Variants in C2orf69 observed in about 807,000 individuals in gnomAD.
C2orf69 encodes the protein chromosome 2 open reading frame 69.
C2orf69 carries 19 observed loss-of-function variants against 29.5 expected under a neutral mutation model. The observed-to-expected ratio is 0.65, with a 90% CI of 0.45 to 0.95. The LOEUF is 0.95. Ranked by LOEUF, C2orf69 falls within the 40% of genes least tolerant of loss-of-function variation. The pLI, the probability that C2orf69 is intolerant of heterozygous loss-of-function variation, is 0.00. For missense variants in C2orf69, 416 were observed against 482.1 expected (o/e 0.86, Z 1.28); for synonymous variants, 194 against 180.0 (o/e 1.08, Z -0.62).
At position 199,921,078 on chromosome 2, in the gene C2orf69, C is replaced by T. The variant is rs373829405; in HGVS notation, c.334-3984C>T. On this transcript the variant is annotated intron_variant, in intron 1 of 1. Coordinates refer to ENST00000319974, the MANE Select transcript of C2orf69 (RefSeq NM_153689.6). ...ATGGAGTGCAGTGGCGCGGTCTTGG[C>T]TCACTGCAACCTCCACCTCCTGGGT... 6.0e-5 allele frequency among the ~76,000 whole-genome samples: 7 copies of T among 116,424 alleles called. No individual in the cohort carries two copies. In the East Asian group the frequency reaches 2.1e-3, roughly 35 times the overall value. 76.4% of individuals were successfully genotyped at this position (116,424 alleles called of 152,430 possible).
At position 199,926,136 on chromosome 2, in the gene C2orf69, G is replaced by A. The variant is rs745997497; in HGVS notation, c.*250G>A. 2.4e-6 allele frequency: 1 copy of A among 416,766 alleles called. No homozygotes were observed. Among genetic ancestry groups the A allele is most frequent in the Non-Finnish European group, 4.3e-6 (1 of 231,148 alleles). 25.8% of individuals were successfully genotyped at this position (416,766 alleles called of 1,614,324 possible). Reference sequence around the variant, plus strand: ...TAACAAGGTGGTTTGTAATAATGCTGAGGAGATATAAGACCCTTAAAATGA... The same window carrying A: ...TAACAAGGTGGTTTGTAATAATGCTAAGGAGATATAAGACCCTTAAAATGA... On this transcript the variant is annotated 3_prime_UTR_variant, in exon 2 of 2. Coordinates refer to ENST00000319974, the MANE Select transcript of C2orf69 (RefSeq NM_153689.6).
In C2orf69 at chr2:199,912,503, C is replaced by T. The variant is rs144877409; in HGVS notation, c.333+732C>T. The stretch of plus-strand genomic sequence containing the variant: ...AAAATCCAGTTATTCATATTAGCTG[C>T]ATTTCAAGTGCTCAGTAGCTACAGA... On this transcript the variant is annotated intron_variant, in intron 1 of 1. Coordinates refer to ENST00000319974, the MANE Select transcript of C2orf69 (RefSeq NM_153689.6). Among the ~76,000 whole-genome samples the T allele has an allele frequency of 6.6e-5, 10 of 152,312 alleles. No individual in the cohort carries two copies. In the East Asian group the frequency reaches 1.9e-3, roughly 29 times the overall value.
intron 1 of C2orf69, among the ~76,000 whole-genome samples, chr2:199,922,031 T>TTTTATATATA (rs1553566020): frequency 3.8e-5 from 3 of 78,984 alleles, no homozygotes; most frequent in African/African-American, 1.6e-4. Flanking sequence ...ACTGTTATTT[T>TTTTATATATA]TATATATATA....
At chr2:199,920,537 G>A (rs529892847) in intron 1 of C2orf69, among the ~76,000 whole-genome samples, 2 of 152,096 alleles carry the variant, frequency 1.3e-5, no homozygotes, top group East Asian at 3.9e-4. Flanking sequence ...AGGACCTCAG[G>A]TTCCTTAACT....
In C2orf69 at chr2:199,927,308, T is replaced by TAAAAAAAAA. The variant is rs57970244; in HGVS notation, c.*1434_*1442dup. ...GGGAAGTAACATGCTGCTTTAGGAC[T>TAAAAAAAAA]AAAAAAAAAAAAAAAAAAAAGACAC... On this transcript the variant is annotated 3_prime_UTR_variant, in exon 2 of 2. Transcript: ENST00000319974. 10 of 115,458 alleles carry TAAAAAAAAA rather than the reference T, an allele frequency of 8.7e-5. 1 individual carries two copies. The highest frequency in any genetic ancestry group is 1.4e-4 in the Non-Finnish European group (8 of 55,928). 7.2% of individuals were successfully genotyped at this position (115,458 alleles called of 1,614,324 possible). A position where few individuals can be genotyped will look rare whatever the true frequency, so the allele number is the denominator to read the frequency against.
chr2:199,919,362 TTTA>T (rs2077305342), intron 1 of C2orf69, among the ~76,000 whole-genome samples: 1 of 152,226 alleles, frequency 6.6e-6, no homozygotes, highest in Non-Finnish European at 1.5e-5. Flanking sequence ...GTTTTAACTC[TTTA>T]AAAGTTTTGC....
chr2:199,921,729 G>A (rs914562008), intron 1 of C2orf69, among the ~76,000 whole-genome samples: 2 of 151,958 alleles, frequency 1.3e-5, no homozygotes, highest in African/African-American at 2.4e-5. Context: ...CTTATTGCTT[G>A]TTGGGGGAGA....
intron 1 of C2orf69, among the ~76,000 whole-genome samples, chr2:199,916,172 G>A (rs1473519687): frequency 6.6e-6 from 1 of 152,186 alleles, no homozygotes; most frequent in Non-Finnish European, 1.5e-5. Flanking sequence ...TCTTCACATG[G>A]CAAGAGGAGG....
At chr2:199,914,751 C>T (rs888334816) in intron 1 of C2orf69, among the ~76,000 whole-genome samples, 2 of 152,256 alleles carry the variant, frequency 1.3e-5, no homozygotes, top group African/African-American at 4.8e-5. Flanking sequence ...ACCTAAAAAG[C>T]TTTCTGTATA....
At chr2:199,914,143 G>A (rs166849) in intron 1 of C2orf69, among the ~76,000 whole-genome samples, 97,481 of 151,996 alleles carry the variant, frequency 0.64, 31,564 homozygotes, top group African/African-American at 0.71. Context: ...TATCCTAGTC[G>A]TCTGTTCTTC....
In C2orf69 at chr2:199,911,593, G is replaced by A. The variant is rs762288716; in HGVS notation, c.155G>A (p.Arg52His). ...TCCCTCTCGGCCGAGGTGCGCCGCC[G>A]TCAGTGCCTGCAGCTTTCCACCGTG... is the stretch of plus-strand genomic sequence containing the variant. ...RCSLSAEVRRRQCLQLSTVPG... is the reference protein window; with the variant it reads ...RCSLSAEVRRHQCLQLSTVPG... Residue 52 changes from arginine (R) to histidine (H), a missense_variant, in exon 1 of 2, where the codon CGT becomes CAT. By Grantham distance (29) the Arg-to-His change is conservative. Coordinates refer to ENST00000319974, the MANE Select transcript of C2orf69 (RefSeq NM_153689.6). 1.2e-5 allele frequency: 19 copies of A among 1,549,606 alleles called. No homozygotes were observed. Among genetic ancestry groups the A allele is most frequent in the Non-Finnish European group, 1.6e-5 (18 of 1,146,622 alleles).
At chr2:199,916,102 C>T (rs1664736697) in intron 1 of C2orf69, among the ~76,000 whole-genome samples, 1 of 152,178 alleles carries the variant, frequency 6.6e-6, no homozygotes, top group Admixed American at 6.5e-5. Context: ...ATCAGTTCCA[C>T]AGGGCTGGGA....
chr2:199,914,384 T>C (rs755112248), intron 1 of C2orf69, among the ~76,000 whole-genome samples: 1 of 152,242 alleles, frequency 6.6e-6, no homozygotes, highest in South Asian at 2.1e-4. Context: ...ATGGAAACTT[T>C]ACCTTCTTAG....
chr2:199,918,657 C>T (rs1024779410), intron 1 of C2orf69, among the ~76,000 whole-genome samples: 12 of 151,976 alleles, frequency 7.9e-5, no homozygotes, highest in East Asian at 3.9e-4. Flanking sequence ...CCACTGTGCC[C>T]GGCCCTTGTA....
chr2:199,911,757 C>G lies in C2orf69; in HGVS notation c.319C>G (p.Pro107Ala). 1 of 1,539,400 alleles carries G rather than the reference C, an allele frequency of 6.5e-7. No homozygotes were observed. ...PPPQHHVLYF[P>A]GDVQNYHEIM... ...GCCCCAGCATCACGTCCTCTATTTC[C>G]CTGGGGATGTGCAGGTAACTCGGGG... Residue 107 changes from proline to alanine, a missense_variant, in exon 1 of 2, where the codon CCT (proline) becomes GCT (alanine). This residue lies in a region of C2orf69 where 225 missense variants were observed against 307.3 expected (regional missense o/e 0.73). Coordinates refer to ENST00000319974, the MANE Select transcript of C2orf69 (RefSeq NM_153689.6).
chr2:199,913,407 A>G (rs191220855), intron 1 of C2orf69, among the ~76,000 whole-genome samples: 12,541 of 87,988 alleles, frequency 0.14, 1,201 homozygotes, highest in Non-Finnish European at 0.2. Flanking sequence ...TATTATATAT[A>G]ATATATATTC....
At chr2:199,924,253 A>G (rs996533059) in intron 1 of C2orf69, among the ~76,000 whole-genome samples, 2 of 152,172 alleles carry the variant, frequency 1.3e-5, no homozygotes, top group African/African-American at 2.4e-5. Context: ...CAAAGAATAA[A>G]AACGTTAGCC....
chr2:199,915,296 AT>A (rs2106636363), intron 1 of C2orf69, among the ~76,000 whole-genome samples: 1 of 151,908 alleles, frequency 6.6e-6, no homozygotes, highest in South Asian at 2.1e-4. Flanking sequence ...TTTTATTACT[AT>A]TTTTTAGAGA....
chr2:199,920,223 A>T (rs1013408032), intron 1 of C2orf69, among the ~76,000 whole-genome samples: 1 of 152,134 alleles, frequency 6.6e-6, no homozygotes, highest in African/African-American at 2.4e-5. Context: ...AGTTTGGGCT[A>T]CCTCTTAGTA....
Sources: allele counts gnomAD v4.1 joint callset (sites outside exome capture counted in the v4.1 genomes callset), GRCh38; gene constraint gnomAD v4.1.1; regional missense constraint gnomAD v4.1.1; transcripts MANE v1.5; gene names NCBI Gene and HGNC (gene_info 2026-07-23, HGNC 2026-07-21).